The following EPM2A variants were observed in gnomAD, a reference collection of about 807,000 sequenced individuals.
The protein encoded by EPM2A is EPM2A glucan phosphatase, laforin, also known as laforin.
EPM2A carries 21 observed loss-of-function variants against 26.5 expected under a neutral mutation model. The observed-to-expected ratio is 0.79, with a 90% confidence interval of 0.56 to 1.14. The LOEUF is 1.14. Ranked by LOEUF, EPM2A falls within the 50% of genes most tolerant of loss-of-function variation. The pLI is 0.00. For missense variants in EPM2A, 458 were observed against 440.8 expected (o/e 1.04, Z -0.35); for synonymous variants, 217 against 177.6 (o/e 1.22, Z -1.76).
At chr6:145,680,220 T>A (rs1464740167) in intron 2 of EPM2A, 6 of 151,858 alleles carry the variant, frequency 4.0e-5, no homozygotes, top group Non-Finnish European at 1.5e-5. Context: ...GTAGATCTGA[T>A]AAATTCTTTA....
intron 1 of EPM2A, among the ~76,000 whole-genome samples, chr6:145,695,349 C>T (rs1053147278): frequency 1.4e-4 from 21 of 151,990 alleles, no homozygotes; most frequent in African/African-American, 4.6e-4. Context: ...AGAAGACAAT[C>T]AAACCACAAA....
At chr6:145,611,404 T>C (rs79158278) in intron 2 of EPM2A, among the ~76,000 whole-genome samples, 7,719 of 151,962 alleles carry the variant, frequency 0.051, 661 homozygotes, top group African/African-American at 0.17. Flanking sequence ...GTTTCATATA[T>C]AATGATCAAA....
chr6:145,408,756 C>T (rs899136717), intron 4 of EPM2A, among the ~76,000 whole-genome samples: 8 of 152,120 alleles, frequency 5.3e-5, no homozygotes, highest in Non-Finnish European at 1.0e-4. Context: ...ATTTATTTCT[C>T]ACAATTCTGG....
intron 2 of EPM2A, among the ~76,000 whole-genome samples, chr6:145,612,186 T>C (rs1299660090): frequency 6.6e-6 from 1 of 152,228 alleles, no homozygotes; most frequent in Non-Finnish European, 1.5e-5. Context: ...ATTATGCAAG[T>C]GCTATAACAT....
intron 4 of EPM2A, among the ~76,000 whole-genome samples, chr6:145,435,695 A>G (rs1187226654): frequency 1.3e-5 from 2 of 151,962 alleles, no homozygotes; most frequent in Non-Finnish European, 2.9e-5. Flanking sequence ...TACAACTACT[A>G]ATATACTTCT....
chr6:145,680,633 C>T (rs1025431041), intron 2 of EPM2A, among the ~76,000 whole-genome samples: 5 of 151,148 alleles, frequency 3.3e-5, no homozygotes, highest in Non-Finnish European at 7.4e-5. Context: ...TGAGTGAGAA[C>T]ATGTGGTGTT....
At chr6:145,652,824 T>A (rs1777976784) in intron 2 of EPM2A, among the ~76,000 whole-genome samples, 1 of 152,056 alleles carries the variant, frequency 6.6e-6, no homozygotes, top group South Asian at 2.1e-4. Context: ...TGTAGTGTGC[T>A]TCTACAGAAC....
Position 145,589,851 on chromosome 6 carries a change from C to T in EPM2A, c.340+45394G>A, listed in dbSNP as rs536993577. Reference sequence around the variant, plus strand: ...ATTAAGCCAGCAGAAGCAGGGTACCCTTTGGGGAGCAGGAGGCCAATGAAA... The same window carrying T: ...ATTAAGCCAGCAGAAGCAGGGTACCTTTTGGGGAGCAGGAGGCCAATGAAA... On this transcript the variant is annotated intron_variant, in intron 2 of 3. Coordinates refer to the EPM2A transcript ENST00000450221. Among the ~76,000 whole-genome samples, 3 of 147,224 alleles carry T rather than the reference C, an allele frequency of 2.0e-5. No homozygotes were observed. The South Asian group carries it at 6.5e-4, about 32-fold the overall frequency.
intron 2 of EPM2A, among the ~76,000 whole-genome samples, chr6:145,619,875 AT>A (rs1775595138): frequency 6.6e-6 from 1 of 152,262 alleles, no homozygotes; most frequent in Admixed American, 6.5e-5. Flanking sequence ...ATTATAAAAA[AT>A]AAAAAGCAAG....
chr6:145,600,270 C>T (rs1268857256), intron 2 of EPM2A, among the ~76,000 whole-genome samples: 1 of 152,150 alleles, frequency 6.6e-6, no homozygotes. Flanking sequence ...GGCTAGATCT[C>T]AGTCCCCTGC....
intron 2 of EPM2A, among the ~76,000 whole-genome samples, chr6:145,683,268 G>GGTGGGTGTGT (rs1780669907): frequency 2.2e-5 from 3 of 134,010 alleles, no homozygotes; most frequent in African/African-American, 5.5e-5. Flanking sequence ...CCCAGGATTT[G>GGTGGGTGTGT]GTGTGTGTGT....
chr6:145,561,658 T>A (rs1273011622), intron 2 of EPM2A, among the ~76,000 whole-genome samples: 1 of 152,164 alleles, frequency 6.6e-6, no homozygotes, highest in Non-Finnish European at 1.5e-5. Flanking sequence ...TATCTTCTCT[T>A]GTCTGTGTAA....
At chr6:145,422,936 G>T (rs1778808520) in intron 4 of EPM2A, among the ~76,000 whole-genome samples, 1 of 151,462 alleles carries the variant, frequency 6.6e-6, no homozygotes, top group Admixed American at 6.6e-5. Flanking sequence ...AAAATATTTA[G>T]CCTTGCTTAT....
chr6:145,548,854 C>T (rs1222042187), intron 2 of EPM2A, among the ~76,000 whole-genome samples: 1 of 152,076 alleles, frequency 6.6e-6, no homozygotes, highest in African/African-American at 2.4e-5. Context: ...TCTCAGTTCC[C>T]ACTCCAAAGA....
chr6:145,518,200 C>A (rs1780155327), intron 2 of EPM2A, among the ~76,000 whole-genome samples: 1 of 152,132 alleles, frequency 6.6e-6, no homozygotes, highest in South Asian at 2.1e-4. Flanking sequence ...TTTCTCAATA[C>A]CCCAGTTACT....
At chr6:145,473,131 G>A (rs1447305687) in intron 4 of EPM2A, among the ~76,000 whole-genome samples, 9 of 151,950 alleles carry the variant, frequency 5.9e-5, no homozygotes, top group South Asian at 2.1e-4. Flanking sequence ...TAACTGTGTC[G>A]AGGAAACTCA....
chr6:145,498,004 C>A (rs1359861766), downstream of EPM2A, among the ~76,000 whole-genome samples: 2 of 152,170 alleles, frequency 1.3e-5, no homozygotes, highest in African/African-American at 4.8e-5. Flanking sequence ...GCTGTAGGCC[C>A]CAGTTTGGAG....
intron 4 of EPM2A, among the ~76,000 whole-genome samples, chr6:145,419,585 A>G (rs887977494): frequency 4.6e-5 from 7 of 152,210 alleles, no homozygotes; most frequent in Admixed American, 2.0e-4. Context: ...CTCTAGCACA[A>G]GGGCCTTCAA....
chr6:145,505,308 T>C (rs1779955924), intron 2 of EPM2A, among the ~76,000 whole-genome samples: 1 of 152,120 alleles, frequency 6.6e-6, no homozygotes, highest in South Asian at 2.1e-4. Context: ...GAATAGTACA[T>C]AGAATTTCTG....
Sources: gnomAD v4.1 joint callset for allele counts (sites outside exome capture counted in the v4.1 genomes callset) on GRCh38, gnomAD v4.1.1 for gene constraint, MANE v1.5 for transcripts, NCBI Gene and HGNC (gene_info 2026-07-23, HGNC 2026-07-21) for gene names.